Variants in SNTG2 observed in about 807,000 individuals in gnomAD.
SNTG2 encodes the protein gamma-2-syntrophin.
In SNTG2, 74 loss-of-function variants were observed where a neutral mutation model predicts 70.9. That is an observed-to-expected ratio of 1.04 (90% CI 0.86 to 1.27). SNTG2 has a LOEUF of 1.27. SNTG2 is among the 50% of genes most tolerant of loss of function. The probability of loss-of-function intolerance (pLI) is 0.00; values close to 1 mark genes in which losing one functional copy is unlikely to be tolerated. For missense variants in SNTG2, 717 were observed against 690.7 expected, an observed-to-expected ratio of 1.04 and a Z score of -0.43; for synonymous variants, 278 against 273.8, an observed-to-expected ratio of 1.02 and a Z score of -0.15.
chr2:1,076,244 C>A (rs958604226), intron 1 of SNTG2, among the ~76,000 whole-genome samples: 6 of 152,234 alleles, frequency 3.9e-5, no homozygotes, highest in Admixed American at 3.9e-4. Flanking sequence ...TCTTACAGCT[C>A]CCTTAGCTGT....
chr2:1,265,761 A>G (rs1399198828), intron 13 of SNTG2, among the ~76,000 whole-genome samples: 1 of 152,228 alleles, frequency 6.6e-6, no homozygotes, highest in African/African-American at 2.4e-5. Context: ...GCACAAGTGA[A>G]TGGAGATATC....
chr2:1,111,294 C>T (rs995785822), intron 4 of SNTG2, among the ~76,000 whole-genome samples: 1 of 152,232 alleles, frequency 6.6e-6, no homozygotes, highest in Admixed American at 6.5e-5. Flanking sequence ...CTGAAGTGTG[C>T]GTGCTGTGCA....
At position 1,214,841 on chromosome 2, in the gene SNTG2, C is replaced by T. The variant is rs191125976; in HGVS notation, c.719+5611C>T. On this transcript the variant is annotated intron_variant, in intron 9 of 16. Coordinates refer to ENST00000308624, the MANE Select transcript of SNTG2 (RefSeq NM_018968.4). ...TTTAAGGGAAAACCTTTCAGCTTTTCATCATTAAGTATGATATTAGACGTG... is the reference window on the plus strand; with the variant it reads ...TTTAAGGGAAAACCTTTCAGCTTTTTATCATTAAGTATGATATTAGACGTG... Among the ~76,000 whole-genome samples, 253 of 152,254 alleles carry T rather than the reference C, an allele frequency of 1.7e-3. 2 individuals are homozygous for T. Among genetic ancestry groups the T allele is most frequent in the African/African-American group, 5.7e-3 (237 of 41,558 alleles).
intron 16 of SNTG2, among the ~76,000 whole-genome samples, chr2:1,359,383 G>A (rs574275060): frequency 6.6e-6 from 1 of 152,086 alleles, no homozygotes; most frequent in Admixed American, 6.5e-5. Context: ...GATGTTGGGT[G>A]CATATTTATT....
intron 2 of SNTG2, among the ~76,000 whole-genome samples, chr2:1,091,578 C>A (rs1332690839): frequency 1.3e-5 from 2 of 152,164 alleles, no homozygotes; most frequent in Non-Finnish European, 2.9e-5. Flanking sequence ...CAGGTTAGGG[C>A]TACGGGGCCG....
intron 15 of SNTG2, among the ~76,000 whole-genome samples, chr2:1,310,047 C>T (rs944880806): frequency 6.6e-6 from 1 of 152,250 alleles, no homozygotes; most frequent in Admixed American, 6.5e-5. Context: ...ACTCTCCATA[C>T]AGCTTCTTAA....
At chr2:1,340,899 TG>T (rs1417227511) in intron 16 of SNTG2, 2 of 152,242 alleles carry the variant, frequency 1.3e-5, no homozygotes, top group Admixed American at 6.5e-5. Context: ...GCAAGACACC[TG>T]GCTCAAAGAA....
intron 6 of SNTG2, among the ~76,000 whole-genome samples, chr2:1,143,672 C>A (rs1668900564): frequency 7.6e-6 from 1 of 131,458 alleles, no homozygotes; most frequent in Non-Finnish European, 1.6e-5. Flanking sequence ...GAGTTCGAGG[C>A]CAGCCTGGTC....
chr2:1,250,201 C>T (rs1381208280), intron 12 of SNTG2, among the ~76,000 whole-genome samples: 6 of 152,218 alleles, frequency 3.9e-5, no homozygotes, highest in South Asian at 2.1e-4. Context: ...CCACAAAGTC[C>T]GTGCTCTGTC....
At chr2:1,358,439 A>G (rs894452091) in intron 16 of SNTG2, among the ~76,000 whole-genome samples, 1 of 151,728 alleles carries the variant, frequency 6.6e-6, no homozygotes, top group Non-Finnish European at 1.5e-5. Flanking sequence ...TTCTTAAGGC[A>G]TAAAGTTATT....
intron 1 of SNTG2, among the ~76,000 whole-genome samples, chr2:953,631 C>G (rs995944216): frequency 3.9e-5 from 6 of 152,220 alleles, no homozygotes; most frequent in Non-Finnish European, 8.8e-5. Flanking sequence ...TGTAGAATTT[C>G]TATTGACGTC....
At chr2:1,346,803 TG>T (rs1274593378) in intron 16 of SNTG2, among the ~76,000 whole-genome samples, 1 of 151,840 alleles carries the variant, frequency 6.6e-6, no homozygotes, top group African/African-American at 2.4e-5. Flanking sequence ...CCTGGAAAAG[TG>T]GGTATCTCCA....
chr2:1,186,194 T>C (rs1306323570), intron 8 of SNTG2, among the ~76,000 whole-genome samples: 1 of 152,192 alleles, frequency 6.6e-6, no homozygotes, highest in African/African-American at 2.4e-5. Flanking sequence ...TGACCTTTGC[T>C]ACTGTTTCTA....
At chr2:1,301,661 C>T (rs533402147) in intron 14 of SNTG2, among the ~76,000 whole-genome samples, 3 of 152,274 alleles carry the variant, frequency 2.0e-5, no homozygotes, top group African/African-American at 7.2e-5. Flanking sequence ...TCAGACACTA[C>T]AGAGGCCAGA....
chr2:1,155,239 A>G (rs1360802079), intron 6 of SNTG2, among the ~76,000 whole-genome samples: 3 of 150,930 alleles, frequency 2.0e-5, no homozygotes, highest in Non-Finnish European at 3.0e-5. Flanking sequence ...GCAAATATAT[A>G]TGGACATACA....
At chr2:1,132,257 A>ACG (rs1249539978) in intron 4 of SNTG2, among the ~76,000 whole-genome samples, 1 of 151,866 alleles carries the variant, frequency 6.6e-6, no homozygotes, top group Non-Finnish European at 1.5e-5. Context: ...ACACACACAC[A>ACG]CACACATACA....
chr2:973,705 T>A (rs1422490273), intron 1 of SNTG2, among the ~76,000 whole-genome samples: 1 of 152,158 alleles, frequency 6.6e-6, no homozygotes, highest in Non-Finnish European at 1.5e-5. Context: ...GTTCTTTCTG[T>A]TCTTCCTTTT....
intron 9 of SNTG2, among the ~76,000 whole-genome samples, chr2:1,221,449 GTCTCTCTC>G (rs1198890025): frequency 3.5e-5 from 3 of 86,182 alleles, no homozygotes; most frequent in Admixed American, 1.0e-4. Flanking sequence ...CTCTGTCTCT[GTCTCTCTC>G]TGTCTCTGTC....
chr2:1,155,168 G>T (rs1669792756), intron 6 of SNTG2, among the ~76,000 whole-genome samples: 1 of 4,962 alleles, frequency 2.0e-4, no homozygotes, highest in African/African-American at 5.0e-4. Context: ...CACACACGTA[G>T]ACCCCCCCCC....
Sources: gnomAD v4.1 joint callset for allele counts (sites outside exome capture counted in the v4.1 genomes callset) on GRCh38, gnomAD v4.1.1 for gene constraint, MANE v1.5 for transcripts, NCBI Gene and HGNC (gene_info 2026-07-23, HGNC 2026-07-21) for gene names.